The following MIPOL1 variants were observed in gnomAD, a reference collection of about 807,000 sequenced individuals.
MIPOL1 encodes mirror-image polydactyly 1, also known as mirror-image polydactyly gene 1 protein.
A neutral mutation model predicts 60.9 loss-of-function variants in MIPOL1; 57 were observed. The ratio of observed to expected loss-of-function variants is 0.94; its 90% CI spans 0.76 to 1.17. The LOEUF (loss-of-function observed/expected upper bound fraction) is 1.17, where lower values mean the gene tolerates loss of function less well. Ranked by LOEUF, MIPOL1 falls within the 50% of genes most tolerant of loss-of-function variation. MIPOL1 has a pLI of 0.00. For missense variants in MIPOL1, 551 were observed against 511.6 expected (o/e 1.08, Z -0.74); for synonymous variants, 179 against 168.8 (o/e 1.06, Z -0.47).
intron 11 of MIPOL1, among the ~76,000 whole-genome samples, chr14:37,461,450 T>G (rs2094537619): frequency 6.6e-6 from 1 of 152,076 alleles, no homozygotes; most frequent in South Asian, 2.1e-4. Context: ...CTACAACCCA[T>G]GGGAATTACG....
intron 9 of MIPOL1, among the ~76,000 whole-genome samples, chr14:37,349,402 C>T (rs1292287060): frequency 2.0e-5 from 3 of 152,276 alleles, no homozygotes; most frequent in Non-Finnish European, 4.4e-5. Flanking sequence ...AAGTAAAAGC[C>T]GTAGTCTTTA....
chr14:37,443,617 T>C lies in MIPOL1; in HGVS notation c.1031+20668T>C, dbSNP rs1476854134. Among the ~76,000 whole-genome samples the C allele has an allele frequency of 2.6e-5, 4 of 151,856 alleles. No homozygotes were observed. In the East Asian group the frequency reaches 7.7e-4, roughly 29 times the overall value. On this transcript the variant is annotated intron_variant, in intron 11 of 12. Transcript: ENST00000684589. Reference sequence around the variant, plus strand: ...ATAATAACAGTCTTAACACAAACATTTTCAGAACATAAAAGAGGATGGAAT... The same window carrying C: ...ATAATAACAGTCTTAACACAAACATCTTCAGAACATAAAAGAGGATGGAAT...
At position 37,222,661 on chromosome 14, in the gene MIPOL1, C is replaced by T. The variant is rs140284181; in HGVS notation, c.-198-24442C>T. 3.4e-3 allele frequency among the ~76,000 whole-genome samples: 523 copies of T among 152,242 alleles called. 3 individuals are homozygous for T. The highest frequency in any genetic ancestry group is 0.012 in the African/African-American group (513 of 41,536). On this transcript the variant is annotated intron_variant, in intron 1 of 12. Coordinates refer to ENST00000684589, the MANE Select transcript of MIPOL1 (RefSeq NM_001388067.1). ...CTATCTGAGACCTCATCAGAATAGC[C>T]TTTACTGTCCATATTTCTACCAAGA...
chr14:37,299,873 G>T (rs188236875), intron 7 of MIPOL1, among the ~76,000 whole-genome samples: 10 of 152,110 alleles, frequency 6.6e-5, no homozygotes, highest in Non-Finnish European at 1.5e-5. Flanking sequence ...TCCCTAGCCT[G>T]TCCTGGGCTG....
At position 37,292,786 on chromosome 14, in the gene MIPOL1, A is replaced by G. The variant is rs531522597; in HGVS notation, c.623+7339A>G. Among the ~76,000 whole-genome samples, 83 of 152,112 alleles carry G rather than the reference A, an allele frequency of 5.5e-4. No homozygotes were observed. In the Middle Eastern group the frequency reaches 0.01, roughly 19 times the overall value. ...GTTAGCCACCATGCCCAGCCTAATA[A>G]ACATTTAATTTTCAGGCCTGTTTGC... is the stretch of plus-strand genomic sequence containing the variant. On this transcript the variant is annotated intron_variant, in intron 7 of 12. Coordinates refer to ENST00000684589, the MANE Select transcript of MIPOL1 (RefSeq NM_001388067.1).
At chr14:37,467,041 T>G (rs1374566165) in intron 11 of MIPOL1, among the ~76,000 whole-genome samples, 1 of 152,240 alleles carries the variant, frequency 6.6e-6, no homozygotes. Context: ...ATTAGCTACA[T>G]TTTTTGAAAT....
At chr14:37,503,618 A>C (rs956134214) in intron 12 of MIPOL1, 2 of 152,192 alleles carry the variant, frequency 1.3e-5, no homozygotes, top group African/African-American at 4.8e-5. Context: ...CTAAACATGG[A>C]AAGGAACAAT....
chr14:37,335,488 T>G (rs10144304), intron 9 of MIPOL1, among the ~76,000 whole-genome samples: 2 of 152,034 alleles, frequency 1.3e-5, no homozygotes, highest in African/African-American at 4.8e-5. Context: ...CTAGGTACCT[T>G]ATATAGGTGG....
chr14:37,361,729 T>G (rs1296193881), intron 9 of MIPOL1, among the ~76,000 whole-genome samples: 1 of 144,868 alleles, frequency 6.9e-6, no homozygotes, highest in African/African-American at 2.5e-5. Flanking sequence ...TGCCTCAGCC[T>G]CTCGAGTAGC....
chr14:37,453,337 ATAAC>A (rs1482875265), intron 11 of MIPOL1, among the ~76,000 whole-genome samples: 1 of 152,306 alleles, frequency 6.6e-6, no homozygotes, highest in Non-Finnish European at 1.5e-5. Context: ...TCAGGATCCC[ATAAC>A]TAACCTTTGA....
intron 11 of MIPOL1, among the ~76,000 whole-genome samples, chr14:37,435,442 TTTA>T (rs1316991657): frequency 6.6e-6 from 1 of 152,124 alleles, no homozygotes; most frequent in Non-Finnish European, 1.5e-5. Flanking sequence ...GTTACCCTCC[TTTA>T]TTATTATTTT....
At chr14:37,539,006 T>C (rs1409126415) in intron 12 of MIPOL1, among the ~76,000 whole-genome samples, 1 of 151,866 alleles carries the variant, frequency 6.6e-6, no homozygotes, top group Non-Finnish European at 1.5e-5. Context: ...ATCGAGACTG[T>C]CCTGGCTAAC....
intron 1 of MIPOL1, chr14:37,240,346 G>A (rs558442760): frequency 1.3e-3 from 199 of 152,236 alleles, no homozygotes; most frequent in African/African-American, 4.5e-3. Flanking sequence ...GACATTTTCT[G>A]ATAGCTATTC....
intron 12 of MIPOL1, among the ~76,000 whole-genome samples, chr14:37,521,596 G>A (rs529231680): frequency 6.6e-6 from 1 of 151,792 alleles, no homozygotes; most frequent in African/African-American, 2.4e-5. Context: ...AACTACCAAA[G>A]AAAAAAATTA....
At chr14:37,496,211 A>G (rs2095126006) in intron 11 of MIPOL1, among the ~76,000 whole-genome samples, 1 of 146,460 alleles carries the variant, frequency 6.8e-6, no homozygotes, top group African/African-American at 2.5e-5. Context: ...ATGGGCAAAA[A>G]CTGGAAGCAT....
rs540502423 is a variant in MIPOL1 at position 37,359,636 on chromosome 14, A to T, written c.829-9881A>T. Among the ~76,000 whole-genome samples the T allele has an allele frequency of 2.4e-3, 219 of 90,962 alleles. 1 individual carries two copies. In the East Asian group the frequency reaches 0.027, roughly 11 times the overall value. The allele number at this position is 90,962 out of a possible 152,430, so 59.7% of individuals were successfully genotyped here. ...TTCACTCATTATTTGGCTCTCTGTT[A>T]TTGGTGTATAGGAATACTTTTGATT... On this transcript the variant is annotated intron_variant, in intron 9 of 12. Coordinates refer to ENST00000684589, the MANE Select transcript of MIPOL1 (RefSeq NM_001388067.1).
At chr14:37,281,844 C>A (rs993228025) in intron 6 of MIPOL1, among the ~76,000 whole-genome samples, 2 of 152,182 alleles carry the variant, frequency 1.3e-5, no homozygotes, top group African/African-American at 4.8e-5. Flanking sequence ...GTTCCTATTT[C>A]TGTGAAGAAT....
chr14:37,298,776 A>G (rs1396897813), intron 7 of MIPOL1, among the ~76,000 whole-genome samples: 1 of 151,784 alleles, frequency 6.6e-6, no homozygotes, highest in Non-Finnish European at 1.5e-5. Flanking sequence ...TAGAATGGCA[A>G]TCATTAAAAA....
intron 10 of MIPOL1, among the ~76,000 whole-genome samples, chr14:37,399,238 G>A (rs1279048849): frequency 6.6e-6 from 1 of 152,132 alleles, no homozygotes; most frequent in Admixed American, 6.5e-5. Context: ...GTGACCCAAG[G>A]TAACAGAGCA....
Sources: allele counts gnomAD v4.1 joint callset (sites outside exome capture counted in the v4.1 genomes callset), GRCh38; gene constraint gnomAD v4.1.1; transcripts MANE v1.5; gene names NCBI Gene and HGNC (gene_info 2026-07-23, HGNC 2026-07-21).